The following PLD5 variants were observed in gnomAD, a reference collection of about 807,000 sequenced individuals.
The protein encoded by PLD5 is phospholipase D family member 5, also known as inactive phospholipase D5.
In PLD5, 36 loss-of-function variants were observed where a neutral mutation model predicts 61.1. That is an observed-to-expected ratio of 0.59 (90% CI 0.45 to 0.78). The LOEUF is 0.78. PLD5 is among the 30% of genes least tolerant of loss of function. The probability of loss-of-function intolerance (pLI) is 0.00; values close to 1 mark genes in which losing one functional copy is unlikely to be tolerated. For missense variants in PLD5, 515 were observed against 644.4 expected (o/e 0.80, Z 2.17); for synonymous variants, 243 against 242.8 (o/e 1.00, Z -0.01).
chr1:242,508,628 C>T (rs979073123), intron 1 of PLD5, among the ~76,000 whole-genome samples: 22 of 152,162 alleles, frequency 1.4e-4, no homozygotes, highest in African/African-American at 5.1e-4. Context: ...AATATGTTTT[C>T]CTCAACGCTC....
intron 1 of PLD5, among the ~76,000 whole-genome samples, chr1:242,433,114 T>G (rs923914263): frequency 2.0e-5 from 3 of 152,236 alleles, no homozygotes; most frequent in African/African-American, 7.2e-5. Flanking sequence ...AGAGCCTGTA[T>G]TCTGCAGGAA....
chr1:242,311,135 G>T (rs946450374), intron 2 of PLD5, among the ~76,000 whole-genome samples: 9 of 150,744 alleles, frequency 6.0e-5, no homozygotes, highest in South Asian at 2.2e-4. Flanking sequence ...CACTAAGCAG[G>T]ATAAACAAAA....
At chr1:242,095,700 CT>C (rs1660171172) in intron 9 of PLD5, among the ~76,000 whole-genome samples, 1 of 152,140 alleles carries the variant, frequency 6.6e-6, no homozygotes, top group Non-Finnish European at 1.5e-5. Context: ...CAACATCTTA[CT>C]TTAAGTAAAC....
chr1:242,177,439 T>G (rs997393594), intron 5 of PLD5, among the ~76,000 whole-genome samples: 5 of 152,016 alleles, frequency 3.3e-5, no homozygotes, highest in Admixed American at 2.0e-4. Context: ...ATGGGAGGGA[T>G]AGCATTAGGA....
intron 1 of PLD5, among the ~76,000 whole-genome samples, chr1:242,477,238 G>A (rs972286963): frequency 4.6e-5 from 7 of 151,780 alleles, no homozygotes; most frequent in African/African-American, 1.5e-4. Context: ...TGACAAGAGC[G>A]AGACTCTAAC....
At chr1:242,317,980 G>GTA (rs1157076830) in intron 2 of PLD5, among the ~76,000 whole-genome samples, 2 of 152,146 alleles carry the variant, frequency 1.3e-5, no homozygotes, top group East Asian at 3.9e-4. Flanking sequence ...TGGGAACTTA[G>GTA]TACTGGGTAC....
chr1:242,355,030 T>A (rs1379647745), intron 1 of PLD5, among the ~76,000 whole-genome samples: 6 of 152,058 alleles, frequency 3.9e-5, no homozygotes, highest in African/African-American at 7.3e-5. Flanking sequence ...TTGTGAGTAT[T>A]TTGTTGAGGA....
intron 2 of PLD5, among the ~76,000 whole-genome samples, chr1:242,328,067 C>G (rs1297081044): frequency 6.6e-6 from 1 of 151,986 alleles, no homozygotes; most frequent in Non-Finnish European, 1.5e-5. Flanking sequence ...AGAGGAGACC[C>G]TGCTGCTAAA....
At chr1:242,433,264 T>A (rs971711293) in intron 1 of PLD5, among the ~76,000 whole-genome samples, 2 of 152,180 alleles carry the variant, frequency 1.3e-5, no homozygotes, top group Admixed American at 1.3e-4. Flanking sequence ...AGATGTTCCA[T>A]GCACATTGCA....
chr1:242,286,602 C>A (rs1675040145), intron 3 of PLD5, among the ~76,000 whole-genome samples: 1 of 152,252 alleles, frequency 6.6e-6, no homozygotes, highest in African/African-American at 2.4e-5. Flanking sequence ...AATTGACTGC[C>A]CCCACACACA....
intron 3 of PLD5, among the ~76,000 whole-genome samples, chr1:242,275,945 C>T (rs533574732): frequency 6.6e-6 from 1 of 152,200 alleles, no homozygotes; most frequent in South Asian, 2.1e-4. Flanking sequence ...AAGAAAAGAA[C>T]TCGGACTGCA....
chr1:242,163,309 AATTTTTTGT>A (rs1308412922), intron 5 of PLD5, among the ~76,000 whole-genome samples: 2 of 151,686 alleles, frequency 1.3e-5, no homozygotes, highest in African/African-American at 4.9e-5. Flanking sequence ...ACGCCCGGCT[AATTTTTTGT>A]ATTTTTAGCA....
rs1659383707 is a variant in PLD5 at position 242,084,859 on chromosome 1, A to G, written c.*4995T>C. The G allele has an allele frequency of 6.9e-6, 1 of 144,320 alleles. No homozygotes were observed. The highest frequency in any genetic ancestry group is 1.5e-5 in the Non-Finnish European group (1 of 67,380). The allele number at this position is 144,320 out of a possible 1,614,324, so 8.9% of individuals were successfully genotyped here. On this transcript the variant is annotated 3_prime_UTR_variant, in exon 10 of 10. Transcript: ENST00000536534. ...ACAGTGGGCCCATTGGACCAGTCGC[A>G]TCTACCTTCTTCATAATTTACCACA...
At chr1:242,455,645 G>A (rs1173224801) in intron 1 of PLD5, among the ~76,000 whole-genome samples, 3 of 152,160 alleles carry the variant, frequency 2.0e-5, no homozygotes, top group South Asian at 2.1e-4. Flanking sequence ...TGAAGTAGGC[G>A]CTTATATGGA....
chr1:242,487,546 A>T (rs1668003086), intron 1 of PLD5, among the ~76,000 whole-genome samples: 1 of 152,208 alleles, frequency 6.6e-6, no homozygotes, highest in African/African-American at 2.4e-5. Flanking sequence ...GATAACTTAG[A>T]CTTTACTAAA....
In PLD5 at chr1:242,512,375, G is replaced by A. The variant is rs144466259; in HGVS notation, c.189+11713C>T. ...GCAGAGCTTGCAGTGAGCCAAGATC[G>A]TGCCACTGCACTCCAGCCCGGGTGA... On this transcript the variant is annotated intron_variant, in intron 1 of 9. Coordinates refer to ENST00000536534, the MANE Select transcript of PLD5 (RefSeq NM_001372062.1). Among the ~76,000 whole-genome samples the A allele has an allele frequency of 7.9e-3, 1,169 of 148,652 alleles. 4 individuals are homozygous for A. The highest frequency in any genetic ancestry group is 0.013 in the Non-Finnish European group (893 of 67,578).
At chr1:242,469,389 T>A (rs1440815666) in intron 1 of PLD5, among the ~76,000 whole-genome samples, 1 of 152,240 alleles carries the variant, frequency 6.6e-6, no homozygotes, top group Admixed American at 6.5e-5. Flanking sequence ...GCCATAATAA[T>A]GTGTGAGTTC....
At chr1:242,283,281 AC>A (rs1459067272) in intron 3 of PLD5, among the ~76,000 whole-genome samples, 1 of 152,210 alleles carries the variant, frequency 6.6e-6, no homozygotes, top group Non-Finnish European at 1.5e-5. Context: ...AGCAACCATC[AC>A]ACTCACTCTA....
chr1:242,214,866 A>G (rs1670051697), intron 5 of PLD5, among the ~76,000 whole-genome samples: 3 of 141,550 alleles, frequency 2.1e-5, no homozygotes, highest in Admixed American at 1.4e-4. Flanking sequence ...TATGTCATTA[A>G]ACACCTTTTT....
Sources: gnomAD v4.1 joint callset for allele counts (sites outside exome capture counted in the v4.1 genomes callset) on GRCh38, gnomAD v4.1.1 for gene constraint, MANE v1.5 for transcripts, NCBI Gene and HGNC (gene_info 2026-07-23, HGNC 2026-07-21) for gene names.